Variants in PPP1R16B observed in about 807,000 individuals in gnomAD.
The protein encoded by PPP1R16B is protein phosphatase 1 regulatory inhibitor subunit 16B.
PPP1R16B carries 14 observed loss-of-function variants against 61.7 expected under a neutral mutation model. That is an observed-to-expected ratio of 0.23 (90% confidence interval 0.15 to 0.35). The LOEUF (loss-of-function observed/expected upper bound fraction) is 0.35, where lower values mean the gene tolerates loss of function less well. Ranked by LOEUF, PPP1R16B falls within the 10% of genes least tolerant of loss-of-function variation. The probability of loss-of-function intolerance (pLI) is 1.00; values close to 1 mark genes in which losing one functional copy is unlikely to be tolerated. For missense variants in PPP1R16B, 547 were observed against 752.5 expected (o/e 0.73, Z 3.19); for synonymous variants, 266 against 305.3 (o/e 0.87, Z 1.34).
chr20:38,919,121 A>G lies in PPP1R16B; in HGVS notation c.*455A>G, dbSNP rs995907755. 1.9e-5 allele frequency: 3 copies of G among 154,314 alleles called. No homozygotes were observed. The highest frequency in any genetic ancestry group is 7.2e-5 in the African/African-American group (3 of 41,478). 9.6% of individuals were successfully genotyped at this position (154,314 alleles called of 1,614,324 possible). ...GAATTTGTGGGGTATTCCCAAAAGG[A>G]TGGAAGTTAAGACTCAGAGTCTCAT... On this transcript the variant is annotated 3_prime_UTR_variant, in exon 11 of 11. Transcript: ENST00000299824.
chr20:38,906,643 T>C (rs564963028), intron 7 of PPP1R16B, among the ~76,000 whole-genome samples: 4 of 152,302 alleles, frequency 2.6e-5, no homozygotes, highest in African/African-American at 9.6e-5. Flanking sequence ...ATTACCAGCA[T>C]TTTTGCTTCT....
chr20:38,862,997 T>C (rs964259167), intron 2 of PPP1R16B, among the ~76,000 whole-genome samples: 1 of 152,190 alleles, frequency 6.6e-6, no homozygotes, highest in African/African-American at 2.4e-5. Context: ...GGTCAGTAGA[T>C]ACAATGGTCC....
chr20:38,888,401 A>G (rs1487498529), intron 2 of PPP1R16B, among the ~76,000 whole-genome samples: 3 of 151,996 alleles, frequency 2.0e-5, no homozygotes, highest in Admixed American at 6.6e-5. Flanking sequence ...TCTGTTCACC[A>G]CTCTGGCCTA....
At position 38,821,556 on chromosome 20, in the gene PPP1R16B, G is replaced by C. The variant is rs200856624; in HGVS notation, c.-101-14269G>C. On this transcript the variant is annotated intron_variant, in intron 1 of 10. Coordinates refer to ENST00000299824, the MANE Select transcript of PPP1R16B (RefSeq NM_015568.4). Reference sequence around the variant, plus strand: ...TGTGACATATTTTTTTGCCCCAAAGGCTGCCTAGACCCTGGCACTTGGAAG... The same window carrying C: ...TGTGACATATTTTTTTGCCCCAAAGCCTGCCTAGACCCTGGCACTTGGAAG... Among the ~76,000 whole-genome samples, 3 of 152,282 alleles carry C rather than the reference G, an allele frequency of 2.0e-5. No individual in the cohort carries two copies. In the East Asian group the frequency reaches 5.8e-4, roughly 29 times the overall value.
chr20:38,836,080 A>AGCGGAAGCGCAGCACGG lies in PPP1R16B; in HGVS notation c.160_176dup (p.Arg60SerfsTer24). The AGCGGAAGCGCAGCACGG allele has an allele frequency of 6.2e-7, 1 of 1,611,818 alleles. No individual in the cohort carries two copies. The highest frequency in any genetic ancestry group is 8.5e-7 in the Non-Finnish European group (1 of 1,179,612). Reference sequence around the variant, plus strand: ...TTGCAGCACCGCAAGCGAAAGCATGAGCGGAAGCGCAGCACGGGCGGCCGC... The same window carrying AGCGGAAGCGCAGCACGG: ...TTGCAGCACCGCAAGCGAAAGCATGAGCGGAAGCGCAGCACGGGCGGAAGCGCAGCACGGGCGGCCGC... On this transcript the variant is annotated frameshift_variant, in exon 2 of 11. Transcript: ENST00000299824. LOFTEE classifies it high-confidence loss of function.
At chr20:38,824,752 G>A (rs982596883) in intron 1 of PPP1R16B, among the ~76,000 whole-genome samples, 1 of 152,266 alleles carries the variant, frequency 6.6e-6, no homozygotes, top group African/African-American at 2.4e-5. Flanking sequence ...ATCCCAGGCT[G>A]GGCATGGCGG....
intron 1 of PPP1R16B, among the ~76,000 whole-genome samples, chr20:38,826,535 G>T (rs74541395): frequency 0.026 from 4,001 of 152,250 alleles, 89 homozygotes; most frequent in Admixed American, 0.073. Context: ...TTACCTGTTT[G>T]AGCTGTGGCC....
At chr20:38,912,282 A>G (rs549146041) in intron 10 of PPP1R16B, among the ~76,000 whole-genome samples, 1 of 152,002 alleles carries the variant, frequency 6.6e-6, no homozygotes, top group African/African-American at 2.4e-5. Context: ...GTGTTTTAGT[A>G]GAGATGGGGT....
At chr20:38,899,666 T>C (rs2085376308) in intron 4 of PPP1R16B, among the ~76,000 whole-genome samples, 3 of 152,232 alleles carry the variant, frequency 2.0e-5, no homozygotes, top group African/African-American at 7.2e-5. Context: ...AGGATGTTTC[T>C]GCATATGGGC....
intron 2 of PPP1R16B, among the ~76,000 whole-genome samples, chr20:38,874,104 G>T (rs2085149787): frequency 6.6e-6 from 1 of 152,156 alleles, no homozygotes; most frequent in Admixed American, 6.5e-5. Flanking sequence ...CCTGTTCACT[G>T]GGGGAGGGAA....
chr20:38,813,434 G>A (rs1423026325), intron 1 of PPP1R16B, among the ~76,000 whole-genome samples: 2 of 152,210 alleles, frequency 1.3e-5, no homozygotes, highest in Non-Finnish European at 2.9e-5. Flanking sequence ...TGTGCCAGGT[G>A]ATTCTGATTC....
intron 2 of PPP1R16B, among the ~76,000 whole-genome samples, chr20:38,885,245 G>A (rs999343360): frequency 6.6e-6 from 1 of 151,918 alleles, no homozygotes; most frequent in African/African-American, 2.4e-5. Flanking sequence ...GCAGAATGGA[G>A]CCACGAGAAG....
At chr20:38,888,093 C>T (rs1362043546) in intron 2 of PPP1R16B, among the ~76,000 whole-genome samples, 2 of 152,240 alleles carry the variant, frequency 1.3e-5, no homozygotes, top group Non-Finnish European at 2.9e-5. Context: ...TAATTTGTTT[C>T]CCCACAGCAG....
chr20:38,843,794 C>T (rs1237477237), intron 2 of PPP1R16B, among the ~76,000 whole-genome samples: 2 of 151,642 alleles, frequency 1.3e-5, no homozygotes, highest in African/African-American at 2.4e-5. Context: ...AGGAGAGTAG[C>T]CTTGTTTTAT....
chr20:38,867,486 CTCAGTTTT>C, intron 2 of PPP1R16B, among the ~76,000 whole-genome samples: 1 of 152,236 alleles, frequency 6.6e-6, no homozygotes, highest in South Asian at 2.1e-4. Context: ...CTCTCTGTGC[CTCAGTTTT>C]TCTTTTGGTT....
chr20:38,906,283 G>GTTTTTTT (rs907617949), intron 7 of PPP1R16B, among the ~76,000 whole-genome samples, 189 bp downstream of exon 7: 9 of 101,260 alleles, frequency 8.9e-5, no homozygotes, highest in South Asian at 4.3e-4. Context: ...AGCAAGTTGT[G>GTTTTTTT]TTTTTTTTTT....
intron 1 of PPP1R16B, among the ~76,000 whole-genome samples, chr20:38,810,789 C>T (rs926722347): frequency 1.3e-5 from 2 of 152,108 alleles, no homozygotes; most frequent in African/African-American, 4.8e-5. Context: ...AGGGAGAAAC[C>T]GAGGCACAGA....
intron 2 of PPP1R16B, among the ~76,000 whole-genome samples, chr20:38,883,277 G>A (rs1163289516): frequency 2.6e-5 from 4 of 152,230 alleles, no homozygotes; most frequent in African/African-American, 7.2e-5. Context: ...GCCTATGGTC[G>A]CATGTTGCTA....
chr20:38,901,923 T>A (rs1055892947), intron 5 of PPP1R16B, among the ~76,000 whole-genome samples: 5 of 152,244 alleles, frequency 3.3e-5, no homozygotes, highest in African/African-American at 1.2e-4. Context: ...TTGCTTACAT[T>A]CTAATGGTAG....
Sources: gnomAD v4.1 joint callset for allele counts (sites outside exome capture counted in the v4.1 genomes callset) on GRCh38, gnomAD v4.1.1 for gene constraint, MANE v1.5 for transcripts, NCBI Gene and HGNC (gene_info 2026-07-23, HGNC 2026-07-21) for gene names.